Variants in PRUNE2 observed in about 807,000 individuals in gnomAD.
PRUNE2 encodes the protein prune homolog 2 with BCH domain.
A neutral mutation model predicts 252.0 loss-of-function variants in PRUNE2; 164 were observed. The observed-to-expected ratio is 0.65, with a 90% CI of 0.57 to 0.74. PRUNE2 has a LOEUF of 0.74. Among genes scored for constraint, PRUNE2 ranks in the 30% least tolerant of loss-of-function variants. The pLI, the probability that PRUNE2 is intolerant of heterozygous loss-of-function variation, is 0.00. For missense variants in PRUNE2, 3,495 were observed against 3,711.0 expected, an observed-to-expected ratio of 0.94 and a Z score of 1.51; for synonymous variants, 1,292 against 1,350.2, an observed-to-expected ratio of 0.96 and a Z score of 0.94.
chr9:76,615,871 G>C (rs1468546257), intron 18 of PRUNE2, among the ~76,000 whole-genome samples: 1 of 137,490 alleles, frequency 7.3e-6, no homozygotes, highest in African/African-American at 2.7e-5. Flanking sequence ...CTAGATTCAA[G>C]CGACTCTCCT....
chr9:76,792,935 T>C (rs1159831948), intron 6 of PRUNE2, among the ~76,000 whole-genome samples: 1 of 152,206 alleles, frequency 6.6e-6, no homozygotes, highest in Non-Finnish European at 1.5e-5. Flanking sequence ...TCATTTTAAT[T>C]ACATTTTCTC....
Position 76,713,632 on chromosome 9 carries a change from A to G in PRUNE2, c.846T>C (p.Tyr282=), listed in dbSNP as rs2046911459. ...GTCTCGGCTGCTGCTCCTCTGACAG[A>G]TAGCTGGAGAACAGGATGAGGACAT... ...GFDVLILFSS[Y]LSEEQQPRRQ... is the part of the protein sequence containing the mutation. The change falls in exon 7 of 19, where the codon TAT becomes TAC. Residue 282 remains tyrosine (Y), a synonymous_variant. Coordinates refer to ENST00000376718, the MANE Select transcript of PRUNE2 (RefSeq NM_015225.3). The G allele has an allele frequency of 3.1e-6, 5 of 1,603,850 alleles. No individual in the cohort carries two copies. Among genetic ancestry groups the G allele is most frequent in the East Asian group, 4.5e-5 (2 of 44,618 alleles).
intron 9 of PRUNE2, among the ~76,000 whole-genome samples, chr9:76,699,022 T>G (rs2045644578): frequency 8.0e-6 from 1 of 124,514 alleles, no homozygotes; most frequent in African/African-American, 3.6e-5. Context: ...TTTCCTCTCT[T>G]CTCCTTCCCC....
At chr9:76,859,337 T>G (rs2060429808) in intron 1 of PRUNE2, among the ~76,000 whole-genome samples, 1 of 152,152 alleles carries the variant, frequency 6.6e-6, no homozygotes. Context: ...CATATTCAGA[T>G]TCAATGGCCC....
chr9:76,720,472 C>G (rs1298628458), intron 6 of PRUNE2, among the ~76,000 whole-genome samples: 1 of 152,112 alleles, frequency 6.6e-6, no homozygotes, highest in African/African-American at 2.4e-5. Context: ...TTTTCATGAG[C>G]CTTAGTTTCC....
chr9:76,815,515 T>A (rs2131817878), intron 6 of PRUNE2, among the ~76,000 whole-genome samples: 1 of 152,270 alleles, frequency 6.6e-6, no homozygotes, highest in South Asian at 2.1e-4. Context: ...ATAAAGGCAC[T>A]CATGCATTCA....
intron 6 of PRUNE2, among the ~76,000 whole-genome samples, chr9:76,781,654 A>G (rs1017759525): frequency 6.6e-6 from 1 of 152,226 alleles, no homozygotes; most frequent in Non-Finnish European, 1.5e-5. Context: ...CTACATTTAT[A>G]TGCATGATTA....
chr9:76,790,947 T>C (rs1305199743), intron 6 of PRUNE2, among the ~76,000 whole-genome samples: 2 of 152,258 alleles, frequency 1.3e-5, no homozygotes, highest in African/African-American at 4.8e-5. Flanking sequence ...CACATTTTAC[T>C]ACTATTTGGA....
intron 6 of PRUNE2, among the ~76,000 whole-genome samples, chr9:76,726,845 A>G (rs1296833509): frequency 6.6e-6 from 1 of 152,222 alleles, no homozygotes; most frequent in Non-Finnish European, 1.5e-5. Flanking sequence ...AATGCTTTAA[A>G]TACAAATTTG....
intron 12 of PRUNE2, among the ~76,000 whole-genome samples, chr9:76,640,014 C>T (rs1588010106): frequency 6.6e-6 from 1 of 152,320 alleles, no homozygotes; most frequent in East Asian, 1.9e-4. Flanking sequence ...ATGCATCTTT[C>T]ACACTTAAAA....
Position 76,706,782 on chromosome 9 carries a change from T to C in PRUNE2, c.5492A>G (p.Lys1831Arg). Reference sequence around the variant, plus strand: ...TAGTCTCCCTTCCTGGGGTGAGGCCTTCCACCACTCAGTGCTATCAGCTGA... The same window carrying C: ...TAGTCTCCCTTCCTGGGGTGAGGCCCTCCACCACTCAGTGCTATCAGCTGA... ...GFSADSTEWWKASPQEGRLIE... is the reference protein window; with the variant it reads ...GFSADSTEWWRASPQEGRLIE... The change falls in exon 8 of 19, where the codon AAG (lysine) becomes AGG (arginine). Residue 1831 changes from lysine to arginine, a missense_variant. By Grantham distance (26) the Lys-to-Arg change is conservative. Transcript: ENST00000376718. 1 of 1,610,874 alleles carries C rather than the reference T, an allele frequency of 6.2e-7. No individual in the cohort carries two copies. Among genetic ancestry groups the C allele is most frequent in the South Asian group, 1.1e-5 (1 of 90,424 alleles).
chr9:76,693,132 GTATT>G (rs1215976818), intron 9 of PRUNE2: 2 of 152,060 alleles, frequency 1.3e-5, no homozygotes, highest in East Asian at 3.8e-4. Context: ...GGCAAACAAA[GTATT>G]AATGAAATGT....
intron 9 of PRUNE2, among the ~76,000 whole-genome samples, chr9:76,682,554 A>C (rs2043587641): frequency 6.6e-6 from 1 of 151,784 alleles, no homozygotes; most frequent in Admixed American, 6.6e-5. Flanking sequence ...GTAAAGATGG[A>C]GTTTCTCCAT....
intron 9 of PRUNE2, among the ~76,000 whole-genome samples, chr9:76,666,522 G>A (rs1246775484): frequency 6.6e-6 from 1 of 152,208 alleles, no homozygotes; most frequent in South Asian, 2.1e-4. Context: ...GGCGTAAGCT[G>A]TCCTCTCTCT....
chr9:76,770,548 T>C (rs2130927373), intron 6 of PRUNE2, among the ~76,000 whole-genome samples: 1 of 152,320 alleles, frequency 6.6e-6, no homozygotes, highest in East Asian at 1.9e-4. Flanking sequence ...ATGAAATATC[T>C]GGTGAAATAT....
chr9:76,861,513 G>A lies in PRUNE2; in HGVS notation c.37-7305C>T, dbSNP rs115380448. The stretch of plus-strand genomic sequence containing the variant: ...GTGTTCTCATATGTAAGAGGCCATT[G>A]TGGGTAGGCGATGGGGGAGGCAAAA... On this transcript the variant is annotated intron_variant, in intron 1 of 18. Transcript: ENST00000376718. Among the ~76,000 whole-genome samples, 874 of 152,302 alleles carry A rather than the reference G, an allele frequency of 5.7e-3. 3 individuals carry two copies. Among genetic ancestry groups the A allele is most frequent in the African/African-American group, 0.02 (844 of 41,566 alleles).
rs41288765 is a variant in PRUNE2, at chr9:76,703,486, C to G, written c.8127G>C (p.Pro2709=). 8,243 of 1,613,216 alleles carry G rather than the reference C, an allele frequency of 5.1e-3. 41 individuals are homozygous for G. Among genetic ancestry groups the G allele is most frequent in the Middle Eastern group, 0.011 (68 of 6,062 alleles). ...TGACAGCCTGCAACGTAACTGCATC[C>G]GGGCCAGCCCTGCCTCGGCTCTTAC... ...QKSKSRGRAG[P]DAVTLQAVTH... is the part of the protein sequence containing the mutation. The change falls in exon 9 of 19, where the codon CCG becomes CCC. Residue 2709 remains proline, a synonymous_variant. Coordinates refer to ENST00000376718, the MANE Select transcript of PRUNE2 (RefSeq NM_015225.3).
chr9:76,872,655 C>T (rs1198681383), intron 1 of PRUNE2, among the ~76,000 whole-genome samples: 5 of 146,122 alleles, frequency 3.4e-5, no homozygotes, highest in African/African-American at 7.7e-5. Context: ...CCTCACACCT[C>T]AAAACTCCCT....
chr9:76,830,143 G>C (rs931034707), intron 4 of PRUNE2, among the ~76,000 whole-genome samples: 3 of 152,064 alleles, frequency 2.0e-5, no homozygotes, highest in Non-Finnish European at 4.4e-5. Context: ...TTAGAAAATA[G>C]GTCAGAAGAA....
Sources: gnomAD v4.1 joint callset for allele counts (sites outside exome capture counted in the v4.1 genomes callset) on GRCh38, gnomAD v4.1.1 for gene constraint, MANE v1.5 for transcripts, NCBI Gene and HGNC (gene_info 2026-07-23, HGNC 2026-07-21) for gene names.